KPNA1: variants seen among roughly 807,000 people sequenced by gnomAD.
KPNA1 encodes importin subunit alpha-5.
In KPNA1, 10 loss-of-function variants were observed where a neutral mutation model predicts 70.5. That is an observed-to-expected ratio of 0.14 (90% confidence interval 0.09 to 0.24). KPNA1 has a LOEUF of 0.24. Among genes scored for constraint, KPNA1 ranks in the 10% least tolerant of loss-of-function variants. KPNA1 has a pLI of 1.00. For synonymous variants in KPNA1, 192 were observed against 221.9 expected (o/e 0.87, Z 1.20); for missense variants, 397 against 637.9 (o/e 0.62, Z 4.07).
intron 2 of KPNA1, among the ~76,000 whole-genome samples, chr3:122,489,547 G>C (rs2076673762): frequency 6.6e-6 from 1 of 152,126 alleles, no homozygotes; most frequent in Admixed American, 6.5e-5. Context: ...TGGGATTATA[G>C]GTGTGAACCA....
At chr3:122,446,642 G>C (rs965668433) in intron 9 of KPNA1, among the ~76,000 whole-genome samples, 2 of 152,100 alleles carry the variant, frequency 1.3e-5, no homozygotes, top group East Asian at 3.8e-4. Context: ...AAATTCAAAA[G>C]TTAGCAGAAG....
At chr3:122,510,181 G>A (rs534916068) in intron 1 of KPNA1, among the ~76,000 whole-genome samples, 1 of 152,144 alleles carries the variant, frequency 6.6e-6, no homozygotes, top group East Asian at 1.9e-4. Context: ...AAGATGTCAG[G>A]AAGTTTTTGT....
chr3:122,489,448 G>C (rs1476248268), intron 2 of KPNA1, among the ~76,000 whole-genome samples: 1 of 151,150 alleles, frequency 6.6e-6, no homozygotes, highest in African/African-American at 2.4e-5. Context: ...ACTAAGCCTG[G>C]CTAAGTTTTT....
Position 122,457,596 on chromosome 3 carries a change from A to C in KPNA1, c.433-3595T>G. 4 of 758,214 alleles carry C rather than the reference A, an allele frequency of 5.3e-6. No individual in the cohort carries two copies. In the East Asian group the frequency reaches 2.6e-4, roughly 49 times the overall value. 47.0% of individuals were successfully genotyped at this position (758,214 alleles called of 1,614,324 possible). Reference sequence around the variant, plus strand: ...TTTTTCACTGTCCTGAACTCACTAAATAAGGCTACACCTGAAATCTGCACA... The same window carrying C: ...TTTTTCACTGTCCTGAACTCACTAACTAAGGCTACACCTGAAATCTGCACA... On this transcript the variant is annotated intron_variant, in intron 5 of 13. Transcript: ENST00000344337.
At chr3:122,501,241 C>G (rs1057352474) in intron 1 of KPNA1, among the ~76,000 whole-genome samples, 3 of 151,982 alleles carry the variant, frequency 2.0e-5, no homozygotes, top group Admixed American at 6.6e-5. Context: ...GTTGGCCAGG[C>G]TGGTCAACTC....
chr3:122,462,225 AC>A (rs1223015439), intron 4 of KPNA1, among the ~76,000 whole-genome samples: 1 of 146,226 alleles, frequency 6.8e-6, no homozygotes, highest in African/African-American at 2.5e-5. Flanking sequence ...AACAACAACA[AC>A]AAAAAAAAAC....
intron 1 of KPNA1, among the ~76,000 whole-genome samples, chr3:122,498,198 A>G (rs906325963): frequency 3.9e-5 from 6 of 152,214 alleles, no homozygotes; most frequent in South Asian, 2.1e-4. Context: ...CCCAAAATTC[A>G]TATGTTAAAT....
chr3:122,437,484 A>G (rs2076004404), intron 10 of KPNA1, among the ~76,000 whole-genome samples, 189 bp from the exon 11 acceptor site: 1 of 152,220 alleles, frequency 6.6e-6, no homozygotes, highest in South Asian at 2.1e-4. Flanking sequence ...GTACAGTTTC[A>G]TTGTACACAT....
At chr3:122,510,218 T>C (rs1347324604) in intron 1 of KPNA1, among the ~76,000 whole-genome samples, 3 of 152,120 alleles carry the variant, frequency 2.0e-5, no homozygotes, top group African/African-American at 7.2e-5. Context: ...CTCAGAAAGC[T>C]ACTAAAAAAT....
intron 12 of KPNA1, among the ~76,000 whole-genome samples, chr3:122,432,077 C>T (rs2075918178): frequency 6.6e-6 from 1 of 152,196 alleles, no homozygotes; most frequent in South Asian, 2.1e-4. Flanking sequence ...GGTGGGATTA[C>T]AGACATGAGC....
rs1173214833 is a variant in KPNA1 at position 122,467,331 on chromosome 3, C to T, written c.228G>A (p.Glu76=). The T allele has an allele frequency of 1.9e-6, 3 of 1,543,704 alleles. No individual in the cohort carries two copies. The highest frequency in any genetic ancestry group is 2.3e-5 in the East Asian group (1 of 44,278). The change falls in exon 3 of 14, where the codon GAG becomes GAA. Residue 76 remains glutamate, a synonymous_variant. Coordinates refer to ENST00000344337, the MANE Select transcript of KPNA1 (RefSeq NM_002264.4). ...GFHEAQISNM[E]MAPGGVITSD... ...GAGTTCATTATCTTACTGGTGCCAT[C>T]TCCATGTTACTAATCTGAGCCTCAT...
rs534540447 is a variant in KPNA1, at chr3:122,508,161, C to T, written c.-6+6596G>A. On this transcript the variant is annotated intron_variant, in intron 1 of 13. Coordinates refer to ENST00000344337, the MANE Select transcript of KPNA1 (RefSeq NM_002264.4). ...TTTTCAAATAAATGAACCAGAACCACGGCATAAAGAGAATAGGTAAGCAAA... is the reference window on the plus strand; with the variant it reads ...TTTTCAAATAAATGAACCAGAACCATGGCATAAAGAGAATAGGTAAGCAAA... Among the ~76,000 whole-genome samples, 247 of 151,828 alleles carry T rather than the reference C, an allele frequency of 1.6e-3. 1 individual carries two copies. Among genetic ancestry groups the T allele is most frequent in the African/African-American group, 5.4e-3 (222 of 41,376 alleles).
chr3:122,436,857 A>C (rs1392249770), intron 11 of KPNA1, among the ~76,000 whole-genome samples: 3 of 152,186 alleles, frequency 2.0e-5, no homozygotes, highest in African/African-American at 7.2e-5. Flanking sequence ...GGCTCACTAC[A>C]ACCTCTACCT....
At chr3:122,472,648 G>T (rs2076455065) in intron 2 of KPNA1, among the ~76,000 whole-genome samples, 1 of 152,170 alleles carries the variant, frequency 6.6e-6, no homozygotes, top group Admixed American at 6.6e-5. Flanking sequence ...CCAAAAGCTG[G>T]TTCTTTGAAA....
intron 9 of KPNA1, among the ~76,000 whole-genome samples, chr3:122,446,984 C>T (rs926163984): frequency 5.3e-5 from 8 of 152,210 alleles, no homozygotes; most frequent in East Asian, 3.9e-4. Flanking sequence ...AAGTTGAATC[C>T]TTGAATAGAC....
chr3:122,493,366 A>C (rs2076721537), intron 2 of KPNA1, among the ~76,000 whole-genome samples: 1 of 152,030 alleles, frequency 6.6e-6, no homozygotes, highest in Non-Finnish European at 1.5e-5. Flanking sequence ...AAAAAAAAAA[A>C]ACAGTATGTG....
intron 5 of KPNA1, among the ~76,000 whole-genome samples, chr3:122,458,693 C>T (rs1462607270): frequency 1.3e-5 from 2 of 152,194 alleles, no homozygotes; most frequent in East Asian, 1.9e-4. Flanking sequence ...GGATAGCTTA[C>T]ATCTGTCTGC....
intron 9 of KPNA1, among the ~76,000 whole-genome samples, chr3:122,444,288 A>C (rs1218319345): frequency 6.6e-6 from 1 of 152,220 alleles, no homozygotes; most frequent in Non-Finnish European, 1.5e-5. Context: ...CTGTTCAAAC[A>C]CACCTTTCAC....
At chr3:122,473,336 A>G (rs977406932) in intron 2 of KPNA1, among the ~76,000 whole-genome samples, 2 of 152,226 alleles carry the variant, frequency 1.3e-5, no homozygotes, top group African/African-American at 4.8e-5. Flanking sequence ...CATCTCCTAC[A>G]CAAGATAGAA....
Sources: allele counts gnomAD v4.1 joint callset (sites outside exome capture counted in the v4.1 genomes callset), GRCh38; gene constraint gnomAD v4.1.1; transcripts MANE v1.5; gene names NCBI Gene and HGNC (gene_info 2026-07-23, HGNC 2026-07-21).